Variants in ZSWIM5 observed in about 807,000 individuals in gnomAD.
The protein encoded by ZSWIM5 is zinc finger SWIM domain-containing protein 5.
A neutral mutation model predicts 119.6 loss-of-function variants in ZSWIM5; 55 were observed. The ratio of observed to expected loss-of-function variants is 0.46; its 90% CI spans 0.37 to 0.58. The LOEUF (loss-of-function observed/expected upper bound fraction) is 0.58, where lower values mean the gene tolerates loss of function less well. ZSWIM5 is among the 20% of genes least tolerant of loss of function. The pLI, the probability that ZSWIM5 is intolerant of heterozygous loss-of-function variation, is 0.00. For synonymous variants in ZSWIM5, 537 were observed against 606.9 expected (o/e 0.88, Z 1.69); for missense variants, 1,193 against 1,512.8 (o/e 0.79, Z 3.51).
intron 5 of ZSWIM5, among the ~76,000 whole-genome samples, chr1:45,043,767 C>T (rs995186091): frequency 1.3e-5 from 2 of 152,022 alleles, no homozygotes; most frequent in Admixed American, 6.6e-5. Flanking sequence ...AAGACACAAA[C>T]TGCTTCTATC....
At position 45,141,032 on chromosome 1, in the gene ZSWIM5, T is replaced by A. The variant is rs112737159; in HGVS notation, c.596-52795A>T. Among the ~76,000 whole-genome samples, 1,125 of 152,246 alleles carry A rather than the reference T, an allele frequency of 7.4e-3. 13 individuals carry two copies. The highest frequency in any genetic ancestry group is 0.026 in the African/African-American group (1,079 of 41,542). Reference sequence around the variant, plus strand: ...AAAGGGTGGGAAAAAGAACTCCTAATACTCAGAGAGAGTGTGAAAAATCCC... The same window carrying A: ...AAAGGGTGGGAAAAAGAACTCCTAAAACTCAGAGAGAGTGTGAAAAATCCC... On this transcript the variant is annotated intron_variant, in intron 1 of 13. Transcript: ENST00000359600.
chr1:45,133,493 G>C (rs1645671409), intron 1 of ZSWIM5, among the ~76,000 whole-genome samples: 1 of 152,132 alleles, frequency 6.6e-6, no homozygotes, highest in Admixed American at 6.5e-5. Flanking sequence ...TGAGTTCTTT[G>C]TAGATTCTGG....
In ZSWIM5 at chr1:45,205,890, C is replaced by T; in HGVS notation, c.461G>A (p.Gly154Glu). ...GAAAPAGSAP[G>E]GVAAGASPGL... is the part of the protein sequence containing the mutation. Reference sequence around the variant, plus strand: ...GGGGGATGCCCCAGCCGCGACGCCCCCGGGGGCGGAGCCGGCCGGAGCGGC... The same window carrying T: ...GGGGGATGCCCCAGCCGCGACGCCCTCGGGGGCGGAGCCGGCCGGAGCGGC... The change falls in exon 1 of 14, where the codon GGG (glycine) becomes GAG (glutamate). Residue 154 changes from glycine (G) to glutamate (E), a missense_variant. Gly to Glu is a moderately conservative substitution (Grantham distance 98, BLOSUM62 -2). This residue lies in a region of ZSWIM5 where 232 missense variants were observed against 222.9 expected (regional missense o/e 1.04). Coordinates refer to ENST00000359600, the MANE Select transcript of ZSWIM5 (RefSeq NM_020883.2). 9.2e-7 allele frequency: 1 copy of T among 1,089,346 alleles called. No homozygotes were observed. Among genetic ancestry groups the T allele is most frequent in the Non-Finnish European group, 1.1e-6 (1 of 901,902 alleles). The allele number at this position is 1,089,346 out of a possible 1,614,324, so 67.5% of individuals were successfully genotyped here. A position where few individuals can be genotyped will look rare whatever the true frequency, so the allele number is the denominator to read the frequency against.
chr1:45,058,027 G>A (rs1457860011), intron 4 of ZSWIM5, among the ~76,000 whole-genome samples: 4 of 152,092 alleles, frequency 2.6e-5, no homozygotes, highest in African/African-American at 7.2e-5. Context: ...TTTTGTAGGA[G>A]AAAGCCCAAG....
intron 11 of ZSWIM5, among the ~76,000 whole-genome samples, chr1:45,025,917 G>A (rs1007486179): frequency 3.9e-5 from 6 of 152,110 alleles, no homozygotes; most frequent in African/African-American, 1.4e-4. Flanking sequence ...CTATCTTATT[G>A]TATTAGTTAG....
At chr1:45,128,445 C>T (rs1275370696) in intron 1 of ZSWIM5, among the ~76,000 whole-genome samples, 3 of 152,106 alleles carry the variant, frequency 2.0e-5, no homozygotes, top group Admixed American at 6.6e-5. Flanking sequence ...GCGATCCTCC[C>T]GCTTTGGCCT....
chr1:45,199,546 G>A (rs1312128556), intron 1 of ZSWIM5, among the ~76,000 whole-genome samples: 1 of 151,992 alleles, frequency 6.6e-6, no homozygotes, highest in Non-Finnish European at 1.5e-5. Flanking sequence ...TGATCCACCC[G>A]CCTCGGCCTA....
chr1:45,068,291 AGATGG>A (rs1198128603), intron 2 of ZSWIM5, among the ~76,000 whole-genome samples: 1 of 151,398 alleles, frequency 6.6e-6, no homozygotes, highest in Non-Finnish European at 1.5e-5. Context: ...TTTTTAGTAG[AGATGG>A]GATTTCACCA....
At chr1:45,058,290 C>G (rs1217883514) in intron 4 of ZSWIM5, among the ~76,000 whole-genome samples, 1 of 152,166 alleles carries the variant, frequency 6.6e-6, no homozygotes, top group Non-Finnish European at 1.5e-5. Context: ...GGAAAAGCAA[C>G]AAAAGTGAGG....
Position 45,044,723 on chromosome 1 carries a change from CAAAAAA to C in ZSWIM5, c.1433-1334_1433-1329del, listed in dbSNP as rs869224710. ...TGGGCGACAGAGCCAGACTCCGTCT[CAAAAAA>C]AAAAAAAAAAAAAAAAAATATATAT... On this transcript the variant is annotated intron_variant, in intron 5 of 13. Transcript: ENST00000359600. 3.9e-3 allele frequency among the ~76,000 whole-genome samples: 17 copies of C among 4,396 alleles called. 1 individual carries two copies. The highest frequency in any genetic ancestry group is 5.2e-3 in the African/African-American group (4 of 774). 2.9% of individuals were successfully genotyped at this position (4,396 alleles called of 152,430 possible). A position where few individuals can be genotyped will look rare whatever the true frequency, so the allele number is the denominator to read the frequency against.
intron 2 of ZSWIM5, among the ~76,000 whole-genome samples, chr1:45,064,321 G>A (rs1348613979): frequency 6.6e-6 from 1 of 151,812 alleles, no homozygotes; most frequent in African/African-American, 2.4e-5. Context: ...TTAGAATTTT[G>A]CATTTCTCAT....
intron 1 of ZSWIM5, among the ~76,000 whole-genome samples, chr1:45,107,711 C>T (rs901726411): frequency 4.0e-5 from 6 of 151,026 alleles, no homozygotes; most frequent in African/African-American, 1.5e-4. Context: ...ACAAGACTTA[C>T]AGAACAACTT....
chr1:45,027,639 C>T (rs1318882713), intron 11 of ZSWIM5, among the ~76,000 whole-genome samples: 1 of 152,014 alleles, frequency 6.6e-6, no homozygotes, highest in Non-Finnish European at 1.5e-5. Context: ...CATATGATTG[C>T]CTCGGCCTCT....
chr1:45,187,989 T>A (rs1013590806), intron 1 of ZSWIM5, among the ~76,000 whole-genome samples: 10 of 152,192 alleles, frequency 6.6e-5, no homozygotes, highest in African/African-American at 2.2e-4. Flanking sequence ...AGAACACTCA[T>A]ACATTGATAG....
At chr1:45,098,164 AAAG>A (rs1645416132) in intron 1 of ZSWIM5, among the ~76,000 whole-genome samples, 1 of 152,204 alleles carries the variant, frequency 6.6e-6, no homozygotes, top group Non-Finnish European at 1.5e-5. Flanking sequence ...TGGAATGTTC[AAAG>A]AAGAGAAAGA....
At chr1:45,086,567 G>A (rs576581649) in intron 2 of ZSWIM5, among the ~76,000 whole-genome samples, 9 of 152,198 alleles carry the variant, frequency 5.9e-5, no homozygotes, top group Admixed American at 5.9e-4. Context: ...CTCACTCATA[G>A]GTGGGAATTG....
In ZSWIM5 at chr1:45,206,074, CG is replaced by C; in HGVS notation, c.276del (p.Val93CysfsTer110). The C allele has an allele frequency of 6.2e-7, 1 of 1,611,732 alleles. No homozygotes were observed. The highest frequency in any genetic ancestry group is 8.5e-7 in the Non-Finnish European group (1 of 1,179,336). ...VEERFERIPE[P>X]VQRRIVYWSF... ...GACCAGTAGACGATGCGGCGCTGCA[CG>C]GGCTCCGGGATCCGCTCGAAGCGCT... On this transcript the variant is annotated frameshift_variant, in exon 1 of 14. Transcript: ENST00000359600. LOFTEE classifies it high-confidence loss of function.
intron 2 of ZSWIM5, among the ~76,000 whole-genome samples, chr1:45,070,849 C>T (rs1645217700): frequency 6.6e-6 from 1 of 152,192 alleles, no homozygotes; most frequent in Admixed American, 6.5e-5. Flanking sequence ...TCAACAAACA[C>T]TTATAGAACA....
At chr1:45,110,163 G>C (rs573571042) in intron 1 of ZSWIM5, among the ~76,000 whole-genome samples, 1 of 152,236 alleles carries the variant, frequency 6.6e-6, no homozygotes, top group East Asian at 1.9e-4. Context: ...CACCACACCT[G>C]CCCTTGTATT....
Sources: allele counts gnomAD v4.1 joint callset (sites outside exome capture counted in the v4.1 genomes callset), GRCh38; gene constraint gnomAD v4.1.1; regional missense constraint gnomAD v4.1.1; transcripts MANE v1.5; gene names NCBI Gene and HGNC (gene_info 2026-07-23, HGNC 2026-07-21).